The following TMPRSS2 variants were observed in gnomAD, a reference collection of about 807,000 sequenced individuals.
TMPRSS2 encodes the protein transmembrane serine protease 2.
Under a neutral mutation model 67.4 loss-of-function variants are expected in TMPRSS2, and 59 were observed. The ratio of observed to expected loss-of-function variants is 0.88; its 90% CI spans 0.71 to 1.09. The LOEUF (loss-of-function observed/expected upper bound fraction) is 1.09. Ranked by LOEUF, TMPRSS2 falls within the 50% of genes least tolerant of loss-of-function variation. TMPRSS2 has a pLI of 0.00. For missense variants in TMPRSS2, 668 were observed against 642.7 expected (o/e 1.04, Z -0.43); for synonymous variants, 257 against 257.0 (o/e 1.00, Z 0.00).
At chr21:41,500,591 C>A (rs1363513166) in intron 1 of TMPRSS2, among the ~76,000 whole-genome samples, 1 of 152,202 alleles carries the variant, frequency 6.6e-6, no homozygotes, top group Non-Finnish European at 1.5e-5. Flanking sequence ...CAGGTTACAA[C>A]AAACATGCAC....
In TMPRSS2 at chr21:41,508,063, G is replaced by A. The variant is rs2091471639; in HGVS notation, c.-57+18C>T. On this transcript the variant is annotated intron_variant, in intron 1 of 13. Transcript: ENST00000332149. ...AGCCCGGACCCCGAGCCGGGACCCTGGTACCGGCGCCGCTCACCTGCCGCG... is the reference window on the plus strand; with the variant it reads ...AGCCCGGACCCCGAGCCGGGACCCTAGTACCGGCGCCGCTCACCTGCCGCG... 7.8e-7 allele frequency: 1 copy of A among 1,286,366 alleles called. No homozygotes were observed. The highest frequency in any genetic ancestry group is 1.6e-5 in the African/African-American group (1 of 64,296). The allele number at this position is 1,286,366 out of a possible 1,614,324, so 79.7% of individuals were successfully genotyped here. A position where few individuals can be genotyped will look rare whatever the true frequency, so the allele number is the denominator to read the frequency against.
intron 8 of TMPRSS2, 88 bp downstream of exon 8, chr21:41,476,489 G>A (rs960382801): frequency 9.6e-6 from 13 of 1,356,562 alleles, no homozygotes; most frequent in Admixed American, 1.7e-5. Context: ...TCCCTCCCAC[G>A]CCCCCAGAGA....
chr21:41,475,447 GGTGC>G (rs2091198010), intron 8 of TMPRSS2, among the ~76,000 whole-genome samples: 1 of 33,578 alleles, frequency 3.0e-5, no homozygotes, highest in Non-Finnish European at 5.7e-5. Context: ...TGAGTGAGGG[GGTGC>G]AGGGGTGAGT....
chr21:41,467,964 G>C, intron 12 of TMPRSS2, 78 bp from the exon 13 acceptor site: 1 of 1,551,306 alleles, frequency 6.4e-7, no homozygotes, highest in Non-Finnish European at 8.8e-7. Context: ...GCCTAGAGGA[G>C]TTGGGGGGCG....
At position 41,468,497 on chromosome 21, in the gene TMPRSS2, T is replaced by C. The variant is rs770435902; in HGVS notation, c.1213A>G (p.Ile405Val). ...EVLNAAKVLL[I>V]ETQRCNSRYV... is the part of the protein sequence containing the mutation. The stretch of plus-strand genomic sequence containing the variant: ...CTGCTGTTGCATCTCTGTGTCTCAA[T>C]GAGAAGCACCTTGGCAGCGTTCAGC... Residue 405 changes from isoleucine (I) to valine (V), a missense_variant, in exon 12 of 14, where the codon ATT (isoleucine) becomes GTT (valine). By Grantham distance (29) the Ile-to-Val change is conservative. Transcript: ENST00000332149. The C allele has an allele frequency of 1.2e-6, 2 of 1,614,136 alleles. No homozygotes were observed. Among genetic ancestry groups the C allele is most frequent in the African/African-American group, 1.3e-5 (1 of 75,038 alleles).
chr21:41,479,314 T>A (rs757273102), intron 6 of TMPRSS2, 32 bp from the exon 7 acceptor site: 1 of 1,528,940 alleles, frequency 6.5e-7, no homozygotes, highest in South Asian at 1.1e-5. Context: ...GTGATAATGG[T>A]TAAGGCATAA....
intron 10 of TMPRSS2, among the ~76,000 whole-genome samples, chr21:41,471,024 A>G (rs996945202): frequency 1.4e-4 from 22 of 152,262 alleles, no homozygotes; most frequent in Non-Finnish European, 3.1e-4. Flanking sequence ...CCAGGTGATC[A>G]AGACGGGAAA....
chr21:41,467,853 T>A lies in TMPRSS2; in HGVS notation c.1348A>T (p.Asn450Tyr). The A allele has an allele frequency of 6.2e-7, 1 of 1,614,216 alleles. No individual in the cohort carries two copies. The highest frequency in any genetic ancestry group is 8.5e-7 in the Non-Finnish European group (1 of 1,180,038). ...DSGGPLVTSK[N>Y]NIWWLIGDTS... The stretch of plus-strand genomic sequence containing the variant: ...TCCCCTATCAGCCACCAGATATTGT[T>A]CTTCGAAGTGACCAGAGGCCCTCCA... The change falls in exon 13 of 14, where the codon AAC (asparagine) becomes TAC (tyrosine). Residue 450 changes from asparagine to tyrosine, a missense_variant. By Grantham distance (143) the Asn-to-Tyr change is moderately radical. Coordinates refer to ENST00000332149, the MANE Select transcript of TMPRSS2 (RefSeq NM_005656.4).
chr21:41,483,441 G>A (rs1487145810), intron 5 of TMPRSS2, among the ~76,000 whole-genome samples: 3 of 151,774 alleles, frequency 2.0e-5, no homozygotes, highest in South Asian at 2.1e-4. Flanking sequence ...GCACCACCAC[G>A]CCGGCTAATT....
chr21:41,486,989 A>G (rs1288169392), intron 5 of TMPRSS2: 1 of 152,186 alleles, frequency 6.6e-6, no homozygotes, highest in East Asian at 1.9e-4. Flanking sequence ...AGTTTCCTCA[A>G]AAGGTGAGAA....
intron 5 of TMPRSS2, among the ~76,000 whole-genome samples, chr21:41,480,843 G>A (rs757772180): frequency 6.6e-6 from 1 of 152,072 alleles, no homozygotes; most frequent in Non-Finnish European, 1.5e-5. Flanking sequence ...TCACCATGTT[G>A]GCCAGGCTGG....
At chr21:41,485,904 G>A (rs890107136) in intron 5 of TMPRSS2, among the ~76,000 whole-genome samples, 3 of 152,194 alleles carry the variant, frequency 2.0e-5, no homozygotes, top group African/African-American at 4.8e-5. Flanking sequence ...CGAGCTCCAC[G>A]GGCCAGTGCT....
intron 5 of TMPRSS2, among the ~76,000 whole-genome samples, chr21:41,485,539 C>A (rs1744778537): frequency 6.6e-6 from 1 of 151,630 alleles, no homozygotes; most frequent in Admixed American, 6.6e-5. Context: ...GTCCCAGCCA[C>A]TTGGGGGGCT....
intron 11 of TMPRSS2, 197 bp from the exon 12 acceptor site, chr21:41,468,735 T>C: frequency 3.5e-6 from 2 of 570,262 alleles, no homozygotes; most frequent in South Asian, 5.1e-5. Context: ...TGGCGGTGCC[T>C]GTGCTGAATG....
At position 41,465,407 on chromosome 21, in the gene TMPRSS2, G is replaced by A. The variant is rs1355210524; in HGVS notation, c.*735C>T. ...TCCAGGGTGCTAGGAGCAGGGTCAG[G>A]GAGGATGAGGAGGAAGGCTGAGTCT... On this transcript the variant is annotated 3_prime_UTR_variant, in exon 14 of 14. Transcript: ENST00000332149. 8.6e-6 allele frequency: 2 copies of A among 233,574 alleles called. No individual in the cohort carries two copies. The highest frequency in any genetic ancestry group is 2.2e-5 in the African/African-American group (1 of 45,352). 14.5% of individuals were successfully genotyped at this position (233,574 alleles called of 1,614,324 possible). A position where few individuals can be genotyped will look rare whatever the true frequency, so the allele number is the denominator to read the frequency against.
chr21:41,494,294 C>T (rs972059754), intron 3 of TMPRSS2, 62 bp downstream of exon 3: 40 of 1,565,434 alleles, frequency 2.6e-5, no homozygotes, highest in Non-Finnish European at 3.3e-5. Context: ...AGAGAGCCCA[C>T]TGGGGAGGTA....
chr21:41,486,186 A>C lies in TMPRSS2; in HGVS notation c.445+2208T>G, dbSNP rs1345626651. Among the ~76,000 whole-genome samples the C allele has an allele frequency of 2.0e-5, 3 of 152,192 alleles. No homozygotes were observed. In the East Asian group the frequency reaches 5.8e-4, roughly 29 times the overall value. On this transcript the variant is annotated intron_variant, in intron 5 of 13. Transcript: ENST00000332149. ...AAATTTCTATTTCTAGAAAAAACAA[A>C]TGGTTCTAGTGTAAACATGTCAGAG... is the stretch of plus-strand genomic sequence containing the variant.
At chr21:41,476,523 TAG>T (rs1363012752) in intron 8 of TMPRSS2, 52 bp downstream of exon 8, 1 of 1,562,032 alleles carries the variant, frequency 6.4e-7, no homozygotes, top group Non-Finnish European at 8.8e-7. Flanking sequence ...GTTCTGAAAG[TAG>T]AGAGCTTTTC....
At chr21:41,497,623 A>G (rs1204562003) in intron 2 of TMPRSS2, among the ~76,000 whole-genome samples, 3 of 152,266 alleles carry the variant, frequency 2.0e-5, no homozygotes, top group African/African-American at 7.2e-5. Flanking sequence ...TATTTTAGGT[A>G]TAAGGCAAAC....
Sources: gnomAD v4.1 joint callset for allele counts (sites outside exome capture counted in the v4.1 genomes callset) on GRCh38, gnomAD v4.1.1 for gene constraint, MANE v1.5 for transcripts, NCBI Gene and HGNC (gene_info 2026-07-23, HGNC 2026-07-21) for gene names.